ZFPM2: variants seen among roughly 807,000 people sequenced by gnomAD.
The protein encoded by ZFPM2 is zinc finger protein, FOG family member 2.
In ZFPM2, 20 loss-of-function variants were observed where a neutral mutation model predicts 98.6. The observed-to-expected ratio is 0.20, with a 90% CI of 0.14 to 0.29. ZFPM2 has a LOEUF of 0.29. ZFPM2 is among the 10% of genes least tolerant of loss of function. ZFPM2 has a pLI of 1.00. For synonymous variants in ZFPM2, 518 were observed against 502.7 expected (o/e 1.03, Z -0.41); for missense variants, 1,310 against 1,388.6 (o/e 0.94, Z 0.90).
At chr8:105,778,635 T>C (rs1214615439) in intron 5 of ZFPM2, among the ~76,000 whole-genome samples, 1 of 152,174 alleles carries the variant, frequency 6.6e-6, no homozygotes, top group Non-Finnish European at 1.5e-5. Context: ...AACTAAGTGC[T>C]TGTCATCAGT....
chr8:105,750,297 C>G lies in ZFPM2; in HGVS notation c.533-38421C>G, dbSNP rs955111824. Among the ~76,000 whole-genome samples the G allele has an allele frequency of 3.3e-5, 5 of 151,960 alleles. 1 individual carries two copies. The highest frequency in any genetic ancestry group is 3.3e-4 in the Admixed American group (5 of 15,234). ...ACGTATCTATACTTTATAGTTGTTT[C>G]TGCAACAAGCCCTGCTGCCTCCAAG... On this transcript the variant is annotated intron_variant, in intron 5 of 7. Coordinates refer to ENST00000407775, the MANE Select transcript of ZFPM2 (RefSeq NM_012082.4).
chr8:105,510,583 C>A (rs1281314696), intron 3 of ZFPM2, among the ~76,000 whole-genome samples: 2 of 152,130 alleles, frequency 1.3e-5, no homozygotes, highest in Non-Finnish European at 2.9e-5. Flanking sequence ...CCCCCCTTCC[C>A]TAATTCACAG....
chr8:105,485,345 G>A (rs933815079), intron 3 of ZFPM2, among the ~76,000 whole-genome samples: 9 of 151,918 alleles, frequency 5.9e-5, no homozygotes, highest in Non-Finnish European at 8.8e-5. Context: ...AACAAAGTCC[G>A]ATGTGTTTTT....
At chr8:105,458,190 G>A (rs1223874314) in intron 3 of ZFPM2, among the ~76,000 whole-genome samples, 1 of 152,160 alleles carries the variant, frequency 6.6e-6, no homozygotes, top group Non-Finnish European at 1.5e-5. Context: ...ATTAGGTGTA[G>A]TTAAAAGAAG....
chr8:105,355,011 A>G (rs1812714643), intron 1 of ZFPM2, among the ~76,000 whole-genome samples: 1 of 152,170 alleles, frequency 6.6e-6, no homozygotes. Context: ...AATGTTCTAA[A>G]GTTTCTATAT....
chr8:105,517,496 A>G (rs1157183000), intron 3 of ZFPM2, among the ~76,000 whole-genome samples: 2 of 152,118 alleles, frequency 1.3e-5, no homozygotes, highest in Admixed American at 6.5e-5. Flanking sequence ...CATCAAGCTA[A>G]TTAATATATC....
At position 105,500,307 on chromosome 8, in the gene ZFPM2, C is replaced by T. The variant is rs1470804784; in HGVS notation, c.301+55926C>T. ...TATCGATACAATACTTTTTTTTAAA[C>T]GTAAGATAAGGAAATACCTTGCTTA... On this transcript the variant is annotated intron_variant, in intron 3 of 7. Transcript: ENST00000407775. 5.3e-5 allele frequency among the ~76,000 whole-genome samples: 8 copies of T among 151,856 alleles called. No homozygotes were observed. In the South Asian group the frequency reaches 8.3e-4, roughly 16 times the overall value.
chr8:105,774,607 T>C (rs1813056378), intron 5 of ZFPM2, among the ~76,000 whole-genome samples: 1 of 152,198 alleles, frequency 6.6e-6, no homozygotes, highest in African/African-American at 2.4e-5. Flanking sequence ...GTGTTTAATA[T>C]TGTGGTTTGT....
chr8:105,528,169 G>C (rs1814215989), intron 3 of ZFPM2, among the ~76,000 whole-genome samples: 1 of 152,164 alleles, frequency 6.6e-6, no homozygotes, highest in South Asian at 2.1e-4. Flanking sequence ...AGGCTTGATG[G>C]GGAGGGGTGT....
At chr8:105,780,890 A>C (rs3779786) in intron 5 of ZFPM2, among the ~76,000 whole-genome samples, 10,706 of 152,302 alleles carry the variant, frequency 0.07, 427 homozygotes, top group East Asian at 0.11. Context: ...CAAATAAATA[A>C]AAGCTATTTT....
chr8:105,724,292 CA>C (rs1404586134), intron 5 of ZFPM2, among the ~76,000 whole-genome samples: 3 of 151,850 alleles, frequency 2.0e-5, no homozygotes, highest in Admixed American at 2.0e-4. Flanking sequence ...CAGATTCAGT[CA>C]TCCTGAAATA....
At chr8:105,352,917 G>A (rs1336194881) in intron 1 of ZFPM2, among the ~76,000 whole-genome samples, 1 of 152,032 alleles carries the variant, frequency 6.6e-6, no homozygotes, top group Non-Finnish European at 1.5e-5. Flanking sequence ...TACAGTGAGA[G>A]CAACTCATAC....
chr8:105,439,625 T>C lies in ZFPM2; in HGVS notation c.200-4655T>C, dbSNP rs367922421. 1.3e-4 allele frequency among the ~76,000 whole-genome samples: 20 copies of C among 152,294 alleles called. No individual in the cohort carries two copies. The East Asian group carries it at 3.9e-3, about 29-fold the overall frequency. On this transcript the variant is annotated intron_variant, in intron 2 of 7. Transcript: ENST00000407775. ...GGTAGCTGTAAGACCATGGATAAGTTATTGACCCTATCTGTGCATCAATTT... is the reference window on the plus strand; with the variant it reads ...GGTAGCTGTAAGACCATGGATAAGTCATTGACCCTATCTGTGCATCAATTT...
At chr8:105,349,333 C>T (rs1812599539) in intron 1 of ZFPM2, among the ~76,000 whole-genome samples, 1 of 152,112 alleles carries the variant, frequency 6.6e-6, no homozygotes, top group Non-Finnish European at 1.5e-5. Context: ...CCGCCTAATT[C>T]CCATTCAGTT....
chr8:105,494,711 C>T (rs1267228181), intron 3 of ZFPM2, among the ~76,000 whole-genome samples: 1 of 152,128 alleles, frequency 6.6e-6, no homozygotes, highest in Non-Finnish European at 1.5e-5. Context: ...GAGTCAAAAA[C>T]TCAGCATGAA....
chr8:105,697,582 A>G (rs1811049676), intron 5 of ZFPM2, among the ~76,000 whole-genome samples: 1 of 152,180 alleles, frequency 6.6e-6, no homozygotes, highest in Admixed American at 6.6e-5. Flanking sequence ...TTAAACTTTT[A>G]CTTCAAGCCC....
intron 4 of ZFPM2, among the ~76,000 whole-genome samples, chr8:105,578,375 A>G (rs1356987031): frequency 1.3e-5 from 2 of 150,436 alleles, no homozygotes; most frequent in Non-Finnish European, 1.5e-5. Context: ...AGTTACTACA[A>G]TCTGATATTC....
intron 4 of ZFPM2, among the ~76,000 whole-genome samples, chr8:105,628,043 T>A (rs368776856): frequency 2.6e-5 from 4 of 152,340 alleles, no homozygotes; most frequent in East Asian, 3.9e-4. Flanking sequence ...TTTATTTATG[T>A]AGCTATTCAG....
chr8:105,574,121 C>T (rs576514727), intron 4 of ZFPM2, among the ~76,000 whole-genome samples: 95 of 152,254 alleles, frequency 6.2e-4, no homozygotes, highest in African/African-American at 2.3e-3. Context: ...CTGTTCTCTC[C>T]CTAAACATAC....
Sources: allele counts gnomAD v4.1 joint callset (sites outside exome capture counted in the v4.1 genomes callset), GRCh38; gene constraint gnomAD v4.1.1; transcripts MANE v1.5; gene names NCBI Gene and HGNC (gene_info 2026-07-23, HGNC 2026-07-21).